PPME1: variants seen among roughly 807,000 people sequenced by gnomAD.
The protein encoded by PPME1 is protein phosphatase methylesterase 1, also known as testicular secretory protein Li 39.
Under a neutral mutation model 56.9 loss-of-function variants are expected in PPME1, and 17 were observed. That is an observed-to-expected ratio of 0.30 (90% CI 0.20 to 0.45). PPME1 has a LOEUF of 0.45. PPME1 is among the 20% of genes least tolerant of loss of function. The pLI is 1.00. For synonymous variants in PPME1, 122 were observed against 156.2 expected, an observed-to-expected ratio of 0.78 and a Z score of 1.63; for missense variants, 357 against 483.2, an observed-to-expected ratio of 0.74 and a Z score of 2.45.
chr11:74,197,852 G>T (rs1024791241), intron 1 of PPME1, among the ~76,000 whole-genome samples: 9 of 152,142 alleles, frequency 5.9e-5, no homozygotes, highest in Non-Finnish European at 8.8e-5. Context: ...GAACCCTCTG[G>T]ATTGAGGGTT....
intron 8 of PPME1, 170 bp downstream of exon 8, chr11:74,236,136 C>A: frequency 8.8e-7 from 1 of 1,133,928 alleles, no homozygotes; most frequent in Non-Finnish European, 1.2e-6. Flanking sequence ...TTTCTTTCGC[C>A]TGCCTTCCTT....
chr11:74,182,982 C>G (rs1055682816), intron 1 of PPME1, among the ~76,000 whole-genome samples: 3 of 141,774 alleles, frequency 2.1e-5, no homozygotes, highest in Non-Finnish European at 4.7e-5. Flanking sequence ...CATAGCTAGA[C>G]CTTGTCTCTA....
intron 1 of PPME1, among the ~76,000 whole-genome samples, chr11:74,191,462 G>A (rs1857834891): frequency 6.6e-6 from 1 of 152,226 alleles, no homozygotes; most frequent in Non-Finnish European, 1.5e-5. Context: ...CCACTTACTA[G>A]AGAGATTTGC....
At chr11:74,232,158 T>C (rs557972025) in intron 7 of PPME1, among the ~76,000 whole-genome samples, 15 of 152,364 alleles carry the variant, frequency 9.8e-5, no homozygotes, top group African/African-American at 3.6e-4. Context: ...GTCTCTATTA[T>C]ATTGCACTGT....
At chr11:74,202,965 A>C (rs1357447015) in intron 1 of PPME1, among the ~76,000 whole-genome samples, 1 of 152,130 alleles carries the variant, frequency 6.6e-6, no homozygotes, top group East Asian at 1.9e-4. Flanking sequence ...AGTTATATAT[A>C]TGAATCTTGG....
intron 3 of PPME1, among the ~76,000 whole-genome samples, chr11:74,213,635 G>GAGAGACCCCAT (rs1256598497): frequency 1.3e-5 from 2 of 152,212 alleles, no homozygotes; most frequent in Non-Finnish European, 2.9e-5. Flanking sequence ...TCAGCACAGA[G>GAGAGACCCCAT]AGAGACCCCA....
At chr11:74,229,725 C>CT (rs1401143897) in intron 5 of PPME1, among the ~76,000 whole-genome samples, 3 of 152,120 alleles carry the variant, frequency 2.0e-5, no homozygotes, top group Admixed American at 1.3e-4. Flanking sequence ...ATATTTTTAT[C>CT]TTTTTTTATA....
chr11:74,205,883 T>C (rs1047533082), intron 3 of PPME1: 2 of 152,194 alleles, frequency 1.3e-5, no homozygotes, highest in African/African-American at 4.8e-5. Flanking sequence ...TTAAATTTCT[T>C]AGTAGACACT....
At chr11:74,215,784 A>G (rs1858623853) in intron 3 of PPME1, among the ~76,000 whole-genome samples, 1 of 152,222 alleles carries the variant, frequency 6.6e-6, no homozygotes, top group Non-Finnish European at 1.5e-5. Context: ...GTAAAGACAC[A>G]TATAGACTGA....
At chr11:74,246,572 G>A (rs1376843772) in intron 10 of PPME1, among the ~76,000 whole-genome samples, 1 of 152,196 alleles carries the variant, frequency 6.6e-6, no homozygotes, top group African/African-American at 2.4e-5. Flanking sequence ...GAGTTTTAGG[G>A]GGACACAACT....
intron 1 of PPME1, among the ~76,000 whole-genome samples, chr11:74,174,224 T>G (rs918593891): frequency 1.3e-5 from 2 of 152,214 alleles, no homozygotes; most frequent in African/African-American, 4.8e-5. Context: ...GACTCAGATA[T>G]TCCTAAGGTA....
At chr11:74,186,955 CT>C (rs1330262337) in intron 1 of PPME1, among the ~76,000 whole-genome samples, 1 of 152,156 alleles carries the variant, frequency 6.6e-6, no homozygotes, top group Non-Finnish European at 1.5e-5. Flanking sequence ...CAACTTCATT[CT>C]TTTGCATGTG....
At chr11:74,182,924 A>T (rs1303742075) in intron 1 of PPME1, among the ~76,000 whole-genome samples, 1 of 150,878 alleles carries the variant, frequency 6.6e-6, no homozygotes, top group Admixed American at 6.6e-5. Context: ...TGGGAGGCTG[A>T]GGTGGGAGGA....
intron 13 of PPME1, chr11:74,252,437 T>C (rs1457461577): frequency 6.6e-6 from 3 of 455,166 alleles, no homozygotes; most frequent in East Asian, 6.9e-5. Context: ...TGTCTTCCCA[T>C]GGCCAGCTAC....
chr11:74,231,471 G>A (rs1859066028), intron 7 of PPME1, among the ~76,000 whole-genome samples: 1 of 152,152 alleles, frequency 6.6e-6, no homozygotes, highest in South Asian at 2.1e-4. Flanking sequence ...CAAGTTCAAG[G>A]AATAGAATTT....
intron 7 of PPME1, 143 bp downstream of exon 7, chr11:74,231,145 A>T: frequency 1.5e-6 from 1 of 669,420 alleles, no homozygotes; most frequent in South Asian, 1.8e-5. Flanking sequence ...GCAACCTTGA[A>T]CTCCTAGGTT....
chr11:74,227,424 A>G (rs891477611), intron 5 of PPME1, among the ~76,000 whole-genome samples: 20 of 152,058 alleles, frequency 1.3e-4, no homozygotes, highest in Admixed American at 1.3e-3. Flanking sequence ...TCTTGCTGAA[A>G]TTATCCAAGC....
At chr11:74,180,283 CA>C (rs1857497611) in intron 1 of PPME1, among the ~76,000 whole-genome samples, 3 of 152,150 alleles carry the variant, frequency 2.0e-5, no homozygotes, top group African/African-American at 7.2e-5. Flanking sequence ...AATTATTGGT[CA>C]ACTGTGTATT....
intron 3 of PPME1, among the ~76,000 whole-genome samples, chr11:74,213,329 A>G (rs982861196): frequency 6.6e-6 from 1 of 152,220 alleles, no homozygotes; most frequent in East Asian, 1.9e-4. Flanking sequence ...GTAGAGCACC[A>G]GGTAGATTCC....
Sources: allele counts gnomAD v4.1 joint callset (sites outside exome capture counted in the v4.1 genomes callset), GRCh38; gene constraint gnomAD v4.1.1; transcripts MANE v1.5; gene names NCBI Gene and HGNC (gene_info 2026-07-23, HGNC 2026-07-21).